The following CFAP95 variants were observed in gnomAD, a reference collection of about 807,000 sequenced individuals.
CFAP95 encodes the protein cilia and flagella associated protein 95.
chr9:69,884,953 T>A, the CFAP95 span: 2 of 152,214 alleles, frequency 1.3e-5, no homozygotes, highest in Non-Finnish European at 2.9e-5. Flanking sequence ...CAGAATCACC[T>A]GAAGGGCTTG....
the CFAP95 span, among the ~76,000 whole-genome samples, chr9:69,849,428 T>G: frequency 6.6e-5 from 10 of 152,124 alleles, no homozygotes; most frequent in South Asian, 8.3e-4. Context: ...AACAAACATT[T>G]TTTGAGGCCC....
chr9:69,872,534 G>T, the CFAP95 span, among the ~76,000 whole-genome samples: 1 of 152,160 alleles, frequency 6.6e-6, no homozygotes, highest in East Asian at 1.9e-4. Context: ...TCACAGTTCC[G>T]TGTTCTTGTG....
At chr9:69,837,301 G>A in the CFAP95 span, among the ~76,000 whole-genome samples, 28 of 152,168 alleles carry the variant, frequency 1.8e-4, no homozygotes, top group African/African-American at 6.0e-4. Flanking sequence ...CTGAGGAATC[G>A]CCACACTGAC....
At chr9:69,839,761 G>C in the CFAP95 span, among the ~76,000 whole-genome samples, 1 of 151,592 alleles carries the variant, frequency 6.6e-6, no homozygotes, top group Non-Finnish European at 1.5e-5. Flanking sequence ...GGAAATACAT[G>C]TACATATTCT....
chr9:69,864,382 A>C, the CFAP95 span, among the ~76,000 whole-genome samples: 3 of 152,008 alleles, frequency 2.0e-5, no homozygotes, highest in African/African-American at 7.3e-5. Flanking sequence ...TGGTATAGAA[A>C]AATAGGATAG....
chr9:69,871,673 A>T, the CFAP95 span, among the ~76,000 whole-genome samples: 1 of 152,062 alleles, frequency 6.6e-6, no homozygotes, highest in Non-Finnish European at 1.5e-5. Flanking sequence ...GGCTTAGGCA[A>T]TTGGAGGGTG....
At chr9:69,857,426 CTTG>C in the CFAP95 span, among the ~76,000 whole-genome samples, 8 of 152,164 alleles carry the variant, frequency 5.3e-5, no homozygotes, top group African/African-American at 1.9e-4. Flanking sequence ...ATTCCATTGA[CTTG>C]TTGAGACATT....
chr9:69,834,987 C>T, the CFAP95 span, among the ~76,000 whole-genome samples: 18 of 152,164 alleles, frequency 1.2e-4, no homozygotes, highest in East Asian at 1.9e-4. Flanking sequence ...CATTTGCCCA[C>T]GAAATCTTCA....
At chr9:69,855,008 G>A in the CFAP95 span, among the ~76,000 whole-genome samples, 1 of 152,112 alleles carries the variant, frequency 6.6e-6, no homozygotes, top group African/African-American at 2.4e-5. Context: ...TTTCTTAATG[G>A]TTCCCACACG....
At chr9:69,860,669 T>C in the CFAP95 span, among the ~76,000 whole-genome samples, 3 of 151,962 alleles carry the variant, frequency 2.0e-5, no homozygotes, top group African/African-American at 7.2e-5. Context: ...AAACACATTG[T>C]ATAGCTGTAT....
chr9:69,877,238 A>G, the CFAP95 span, among the ~76,000 whole-genome samples: 1 of 152,132 alleles, frequency 6.6e-6, no homozygotes, highest in African/African-American at 2.4e-5. Context: ...CCAAATTCCT[A>G]TATTTAAGCA....
chr9:69,874,968 C>T, the CFAP95 span, among the ~76,000 whole-genome samples: 1 of 152,188 alleles, frequency 6.6e-6, no homozygotes, highest in Non-Finnish European at 1.5e-5. Context: ...ACCAGGATAC[C>T]TCTTCCCCAA....
the CFAP95 span, among the ~76,000 whole-genome samples, chr9:69,848,153 T>C: frequency 6.6e-6 from 1 of 152,136 alleles, no homozygotes; most frequent in Non-Finnish European, 1.5e-5. Context: ...CTCTGGTGAC[T>C]GGTCAGAGGA....
At chr9:69,887,536 C>T in the CFAP95 span, among the ~76,000 whole-genome samples, 7 of 152,190 alleles carry the variant, frequency 4.6e-5, no homozygotes, top group African/African-American at 1.7e-4. Context: ...TTCACATCAA[C>T]ACTAACAGTT....
At chr9:69,881,021 T>A in the CFAP95 span, among the ~76,000 whole-genome samples, 1 of 152,204 alleles carries the variant, frequency 6.6e-6, no homozygotes, top group Non-Finnish European at 1.5e-5. Flanking sequence ...GATTTTTTTT[T>A]TCCTGTAGAG....
the CFAP95 span, among the ~76,000 whole-genome samples, chr9:69,901,746 T>A: frequency 6.6e-6 from 1 of 152,124 alleles, no homozygotes; most frequent in South Asian, 2.1e-4. Flanking sequence ...TAGTTCTAGA[T>A]CCCTGAGGAA....
chr9:69,880,155 CT>C, the CFAP95 span, among the ~76,000 whole-genome samples: 1 of 152,154 alleles, frequency 6.6e-6, no homozygotes, highest in African/African-American at 2.4e-5. Flanking sequence ...CAATTATACT[CT>C]TTTAGTTATT....
the CFAP95 span, among the ~76,000 whole-genome samples, chr9:69,857,150 C>T: frequency 6.6e-6 from 1 of 152,248 alleles, no homozygotes; most frequent in African/African-American, 2.4e-5. Context: ...GGTAAGCTGT[C>T]ATTAATCAGA....
the CFAP95 span, among the ~76,000 whole-genome samples, chr9:69,892,418 A>T: frequency 6.6e-6 from 1 of 152,178 alleles, no homozygotes; most frequent in African/African-American, 2.4e-5. Flanking sequence ...AAAAGTCAAG[A>T]GTTGGGCATG....
Sources: allele counts gnomAD v4.1 joint callset (sites outside exome capture counted in the v4.1 genomes callset), GRCh38; gene constraint gnomAD v4.1.1; transcripts MANE v1.5; gene names NCBI Gene and HGNC (gene_info 2026-07-23, HGNC 2026-07-21).